Variants in ADCY10 observed in about 807,000 individuals in gnomAD.
ADCY10 encodes adenylate cyclase 10.
Under a neutral mutation model 183.3 loss-of-function variants are expected in ADCY10, and 156 were observed. That is an observed-to-expected ratio of 0.85 (90% CI 0.75 to 0.97). The LOEUF (loss-of-function observed/expected upper bound fraction) is 0.97. Ranked by LOEUF, ADCY10 falls within the 50% of genes least tolerant of loss-of-function variation. The pLI is 0.00. For synonymous variants in ADCY10, 645 were observed against 670.0 expected (o/e 0.96, Z 0.58); for missense variants, 1,745 against 1,934.3 (o/e 0.90, Z 1.84).
intron 18 of ADCY10, among the ~76,000 whole-genome samples, chr1:167,850,018 G>C (rs1431698330): frequency 6.6e-6 from 1 of 152,090 alleles, no homozygotes; most frequent in Non-Finnish European, 1.5e-5. Flanking sequence ...ATGAAGACTG[G>C]ACTTTATAGA....
intron 1 of ADCY10, among the ~76,000 whole-genome samples, chr1:167,910,601 G>T (rs116032352): frequency 0.016 from 2,495 of 152,222 alleles, 64 homozygotes; most frequent in African/African-American, 0.055. Context: ...TAAAGTTCAT[G>T]GGAAGTATGC....
At chr1:167,848,338 T>C (rs1434567229) in intron 19 of ADCY10, 23 bp downstream of exon 19, 4 of 1,606,670 alleles carry the variant, frequency 2.5e-6, no homozygotes, top group Non-Finnish European at 3.4e-6. Flanking sequence ...CGTGAGCCAC[T>C]GCGCCCGGCC....
Position 167,833,031 on chromosome 1 carries a change from G to A in ADCY10, c.3549C>T (p.His1183=), listed in dbSNP as rs1571246666. 3 of 1,614,170 alleles carry A rather than the reference G, an allele frequency of 1.9e-6. No homozygotes were observed. Among genetic ancestry groups the A allele is most frequent in the Non-Finnish European group, 2.5e-6 (3 of 1,180,034 alleles). Reference sequence around the variant, plus strand: ...GGGCCTGCCGATTCACATAATGAAAGTGTCTGTTTTTCTCGACATGGATAT... The same window carrying A: ...GGGCCTGCCGATTCACATAATGAAAATGTCTGTTTTTCTCGACATGGATAT... The part of the protein sequence containing the change: ...FLHIHVEKNR[H]FHYVNRQAQE... Residue 1183 remains histidine, a synonymous_variant, in exon 25 of 33, where the codon CAC becomes CAT. Transcript: ENST00000367851.
At chr1:167,868,894 A>T (rs1384798811) in intron 14 of ADCY10, among the ~76,000 whole-genome samples, 1 of 152,212 alleles carries the variant, frequency 6.6e-6, no homozygotes, top group Non-Finnish European at 1.5e-5. Flanking sequence ...AGAAATCATC[A>T]CTAATAAAAC....
intron 30 of ADCY10, chr1:167,820,360 A>T (rs922788926): frequency 1.3e-5 from 9 of 680,122 alleles, no homozygotes; most frequent in Middle Eastern, 4.2e-4. Context: ...GGGCGGGGCC[A>T]GCCCGCGCCT....
chr1:167,856,258 G>A lies in ADCY10; in HGVS notation c.2078C>T (p.Thr693Ile). Residue 693 changes from threonine (T) to isoleucine (I), a missense_variant, in exon 17 of 33, where the codon ACC becomes ATC. Physicochemically the swap from Thr to Ile is moderately conservative, Grantham distance 89 (BLOSUM62 -1). Coordinates refer to ENST00000367851, the MANE Select transcript of ADCY10 (RefSeq NM_018417.6). ...CTGTACTGCACCAATGACAATGTAGGTGGTGTTCCTGTTCTTTATTACGGC... is the reference window on the plus strand; with the variant it reads ...CTGTACTGCACCAATGACAATGTAGATGGTGTTCCTGTTCTTTATTACGGC... ...ARAVIKNRNT[T>I]YIVIGAVQPN... 1 of 1,613,930 alleles carries A rather than the reference G, an allele frequency of 6.2e-7. No homozygotes were observed. Among genetic ancestry groups the A allele is most frequent in the Non-Finnish European group, 8.5e-7 (1 of 1,179,844 alleles).
At chr1:167,872,204 G>T (rs934952077) in intron 13 of ADCY10, among the ~76,000 whole-genome samples, 1 of 152,070 alleles carries the variant, frequency 6.6e-6, no homozygotes, top group Non-Finnish European at 1.5e-5. Context: ...CGGGCGTGGT[G>T]GTGCATGCCT....
intron 8 of ADCY10, among the ~76,000 whole-genome samples, chr1:167,888,809 G>GAGCGTGCAGTGAACCGA (rs1668405769): frequency 1.4e-5 from 2 of 148,090 alleles, no homozygotes; most frequent in South Asian, 4.3e-4. Context: ...CCGGGAGGCG[G>GAGCGTGCAGTGAACCGA]AGCGTGCAGT....
intron 17 of ADCY10, 117 bp downstream of exon 17, chr1:167,856,048 G>A: frequency 8.4e-7 from 1 of 1,188,594 alleles, no homozygotes; most frequent in South Asian, 1.4e-5. Flanking sequence ...TAAAAGGTGG[G>A]GCCAGGAAAG....
rs372134620 is a variant in ADCY10, at chr1:167,840,443, G to T, written c.3008-3125C>A. On this transcript the variant is annotated intron_variant, in intron 21 of 32. Coordinates refer to ENST00000367851, the MANE Select transcript of ADCY10 (RefSeq NM_018417.6). ...GCAATCTTAGCTCACTGCAACCTCT[G>T]CCTCCTGGATTCAAGCGATTCTCCT... Among the ~76,000 whole-genome samples the T allele has an allele frequency of 4.8e-4, 72 of 150,304 alleles. 1 individual carries two copies. The South Asian group carries it at 0.015, about 31-fold the overall frequency.
chr1:167,859,791 C>T lies in ADCY10; in HGVS notation c.1896+16G>A. The T allele has an allele frequency of 6.2e-7, 1 of 1,603,186 alleles. No homozygotes were observed. Among genetic ancestry groups the T allele is most frequent in the Non-Finnish European group, 8.5e-7 (1 of 1,170,210 alleles). ...AGTTTTCTTCCCCCTACTTCTTGAC[C>T]CACAGATGCTCTTACCAGCTTCAAG... On this transcript the variant is annotated intron_variant, in intron 16 of 32. Transcript: ENST00000367851.
At chr1:167,828,130 T>A (rs555810539) in intron 26 of ADCY10, among the ~76,000 whole-genome samples, 23 of 152,382 alleles carry the variant, frequency 1.5e-4, no homozygotes, top group African/African-American at 5.3e-4. Context: ...TATTTTTCTT[T>A]GGACTATCTT....
chr1:167,878,310 T>C lies in ADCY10; in HGVS notation c.1406+136A>G, dbSNP rs549792645. The C allele has an allele frequency of 1.2e-4, 107 of 929,900 alleles. No individual in the cohort carries two copies. The African/African-American group carries it at 1.6e-3, about 14-fold the overall frequency. 57.6% of individuals were successfully genotyped at this position (929,900 alleles called of 1,614,324 possible). A position where few individuals can be genotyped will look rare whatever the true frequency, so the allele number is the denominator to read the frequency against. ...AGGAAAGATTAAGGATTTTGAAGTC[T>C]GGGCCTTGGTCTGGGGAAAGCATAG... On this transcript the variant is annotated intron_variant, in intron 12 of 32. Transcript: ENST00000367851.
At chr1:167,842,024 C>G (rs1240197880) in intron 21 of ADCY10, among the ~76,000 whole-genome samples, 5 of 152,122 alleles carry the variant, frequency 3.3e-5, no homozygotes, top group Non-Finnish European at 5.9e-5. Context: ...GAGGGTAAAC[C>G]GTTGGAATGA....
intron 21 of ADCY10, 73 bp from the exon 22 acceptor site, chr1:167,837,391 A>G: frequency 7.4e-7 from 1 of 1,343,080 alleles, no homozygotes; most frequent in Non-Finnish European, 1.1e-6. Context: ...CTGTCTACCC[A>G]AGACTCTTGT....
At chr1:167,858,929 T>C (rs1307073959) in intron 16 of ADCY10, among the ~76,000 whole-genome samples, 1 of 151,984 alleles carries the variant, frequency 6.6e-6, no homozygotes, top group Non-Finnish European at 1.5e-5. Context: ...ACTATGGCAA[T>C]AGGAAGGGAG....
Position 167,822,146 on chromosome 1 carries a change from G to A in ADCY10, c.4169-5C>T. On this transcript the variant is annotated splice_polypyrimidine_tract_variant and splice_region_variant and intron_variant, in intron 29 of 32. Transcript: ENST00000367851. ...CAAATGTTCTATAAACAAAACCTAAGAGAGAGAGGAATGGGTGAGAGTTAT... is the reference window on the plus strand; with the variant it reads ...CAAATGTTCTATAAACAAAACCTAAAAGAGAGAGGAATGGGTGAGAGTTAT... 1 of 1,523,592 alleles carries A rather than the reference G, an allele frequency of 6.6e-7. No individual in the cohort carries two copies. Among genetic ancestry groups the A allele is most frequent in the Non-Finnish European group, 9.1e-7 (1 of 1,097,504 alleles). The allele number at this position is 1,523,592 out of a possible 1,614,324, so 94.4% of individuals were successfully genotyped here.
intron 29 of ADCY10, among the ~76,000 whole-genome samples, chr1:167,822,777 A>G (rs1009085160): frequency 6.6e-6 from 1 of 152,180 alleles, no homozygotes; most frequent in African/African-American, 2.4e-5. Flanking sequence ...CTGGCAGCTC[A>G]TATCCATCAG....
At position 167,842,025 on chromosome 1, in the gene ADCY10, G is replaced by A. The variant is rs990851537; in HGVS notation, c.3007+3538C>T. Among the ~76,000 whole-genome samples the A allele has an allele frequency of 4.6e-5, 7 of 152,202 alleles. 1 individual carries two copies. Among genetic ancestry groups the A allele is most frequent in the African/African-American group, 1.2e-4 (5 of 41,450 alleles). On this transcript the variant is annotated intron_variant, in intron 21 of 32. Coordinates refer to ENST00000367851, the MANE Select transcript of ADCY10 (RefSeq NM_018417.6). ...AGGACAGCCCCCAGGAGGGTAAACC[G>A]TTGGAATGAATCAAGACTTAGAAAA...
Sources: allele counts gnomAD v4.1 joint callset (sites outside exome capture counted in the v4.1 genomes callset), GRCh38; gene constraint gnomAD v4.1.1; transcripts MANE v1.5; gene names NCBI Gene and HGNC (gene_info 2026-07-23, HGNC 2026-07-21).